The following ABR variants were observed in gnomAD, a reference collection of about 807,000 sequenced individuals.
ABR encodes ABR activator of RhoGEF and GTPase.
ABR carries 35 observed loss-of-function variants against 107.2 expected under a neutral mutation model. The ratio of observed to expected loss-of-function variants is 0.33; its 90% CI spans 0.25 to 0.43. The LOEUF (loss-of-function observed/expected upper bound fraction) is 0.43, where lower values mean the gene tolerates loss of function less well. Ranked by LOEUF, ABR falls within the 20% of genes least tolerant of loss-of-function variation. The pLI, the probability that ABR is intolerant of heterozygous loss-of-function variation, is 1.00. For missense variants in ABR, 815 were observed against 1,115.2 expected (o/e 0.73, Z 3.83); for synonymous variants, 498 against 462.0 (o/e 1.08, Z -1.00).
chr17:1,007,314 TAAG>T lies in ABR; in HGVS notation c.2343-5_2343-3del, dbSNP rs887050431. ...TTGATGGGCTCCTTCTCGGCAACCC[TAAG>T]AAGGAGAAGATGGGGAGGAAAGAAG... On this transcript the variant is annotated splice_region_variant and splice_polypyrimidine_tract_variant and intron_variant, in intron 21 of 22. Transcript: ENST00000302538. 14 of 1,613,836 alleles carry T rather than the reference TAAG, an allele frequency of 8.7e-6. No individual in the cohort carries two copies. The highest frequency in any genetic ancestry group is 4.0e-5 in the African/African-American group (3 of 74,922).
intron 12 of ABR, 39 bp from the exon 13 acceptor site, chr17:1,057,141 G>T (rs752827403): frequency 2.1e-5 from 29 of 1,401,148 alleles, no homozygotes; most frequent in Non-Finnish European, 2.6e-5. Flanking sequence ...CGTGGGCACT[G>T]GTCCACCAGG....
At chr17:1,123,885 A>G (rs1167078259) in intron 2 of ABR, among the ~76,000 whole-genome samples, 7 of 152,180 alleles carry the variant, frequency 4.6e-5, no homozygotes, top group African/African-American at 1.4e-4. Flanking sequence ...CTGCCCCCGC[A>G]GGTCCGAGAC....
At chr17:1,031,567 A>G in intron 16 of ABR, 2 of 173,036 alleles carry the variant, frequency 1.2e-5, no homozygotes, top group Non-Finnish European at 1.4e-5. Context: ...CCGAGCCCCC[A>G]CCCCCCGGAA....
At chr17:1,108,849 G>A in intron 2 of ABR, 1 of 1,437,762 alleles carries the variant, frequency 7.0e-7, no homozygotes, top group Non-Finnish European at 9.1e-7. Flanking sequence ...CGCGCGCTCT[G>A]CGCCCGCATC....
upstream of ABR, among the ~76,000 whole-genome samples, chr17:1,183,754 T>C (rs1244877302): frequency 6.6e-6 from 1 of 152,040 alleles, no homozygotes. Flanking sequence ...TATGTTCCCA[T>C]GCGGGGGCCA....
At chr17:1,045,037 C>T (rs1483065203) in intron 16 of ABR, among the ~76,000 whole-genome samples, 2 of 152,152 alleles carry the variant, frequency 1.3e-5, no homozygotes, top group Non-Finnish European at 2.9e-5. Flanking sequence ...AACAGAAAAA[C>T]AGACAAAACA....
chr17:1,161,700 G>A (rs1318368987), intron 1 of ABR, among the ~76,000 whole-genome samples: 6 of 152,036 alleles, frequency 3.9e-5, no homozygotes, highest in African/African-American at 4.8e-5. Flanking sequence ...GATTACAGGC[G>A]TGTACCACCA....
At chr17:1,228,879 T>C (rs1399141119) in exon 1 of ABR, 1 of 151,512 alleles carries the variant, frequency 6.6e-6, no homozygotes, top group Non-Finnish European at 1.5e-5. Context: ...CGAGTCCCGC[T>C]CGGGCACCCG....
intron 1 of ABR, among the ~76,000 whole-genome samples, chr17:1,152,547 C>T (rs980611820): frequency 6.5e-4 from 98 of 151,618 alleles, no homozygotes; most frequent in Middle Eastern, 3.4e-3. Flanking sequence ...GCCGAGATCG[C>T]GCCACTGCAC....
rs2036486566 is a variant in ABR at position 1,084,856 on chromosome 17, T to A, written c.532-1229A>T. ...GGAGTTTCGCTCTTGTTGCCCAGGC[T>A]GCAGTACAGTGGTGCGATCTCGGCT... On this transcript the variant is annotated intron_variant, in intron 4 of 22. Coordinates refer to ENST00000302538, the MANE Select transcript of ABR (RefSeq NM_021962.5). The surrounding 1 kb of genome is among the most constrained non-coding windows in gnomAD (Gnocchi z 4.2). 6.6e-6 allele frequency among the ~76,000 whole-genome samples: 1 copy of A among 152,208 alleles called. No homozygotes were observed. The highest frequency in any genetic ancestry group is 1.5e-5 in the Non-Finnish European group (1 of 68,044).
At position 1,221,886 on chromosome 17, in the gene ABR, T is replaced by G. The variant is rs150408138; in HGVS notation, c.838+6907A>C. On this transcript the variant is annotated intron_variant, in intron 1 of 22. Coordinates refer to the ABR transcript ENST00000574139. Reference sequence around the variant, plus strand: ...CTGAAGATGCAAAACACCTCTGGAGTAGGGACAGCGGTAAGTAAAAAAGGA... The same window carrying G: ...CTGAAGATGCAAAACACCTCTGGAGGAGGGACAGCGGTAAGTAAAAAAGGA... Among the ~76,000 whole-genome samples, 296 of 152,068 alleles carry G rather than the reference T, an allele frequency of 1.9e-3. 2 individuals are homozygous for G. The highest frequency in any genetic ancestry group is 6.7e-3 in the African/African-American group (278 of 41,450).
intron 20 of ABR, 189 bp from the exon 21 acceptor site, chr17:1,009,973 C>T: frequency 1.6e-6 from 1 of 606,912 alleles, no homozygotes; most frequent in Non-Finnish European, 2.9e-6. Flanking sequence ...GAGGCCCCAC[C>T]ACGACTGGTA....
chr17:1,219,924 G>T (rs1269735350), intron 1 of ABR, among the ~76,000 whole-genome samples: 1 of 151,894 alleles, frequency 6.6e-6, no homozygotes, highest in Middle Eastern at 3.4e-3. Context: ...TAAAGCACTT[G>T]ACCTAGTGCT....
chr17:1,067,072 C>T lies in ABR; in HGVS notation c.1182+5G>A, dbSNP rs761477912. On this transcript the variant is annotated splice_donor_5th_base_variant and intron_variant, in intron 10 of 22. Transcript: ENST00000302538. The stretch of plus-strand genomic sequence containing the variant: ...CCCCAGGCTCAGATACCAAGCTCTG[C>T]TCACCTCCTTCTGGATTTCACTCTT... 17 of 1,612,564 alleles carry T rather than the reference C, an allele frequency of 1.1e-5. No homozygotes were observed. The South Asian group carries it at 1.8e-4, about 17-fold the overall frequency.
At chr17:1,076,695 G>A (rs974691034) in intron 6 of ABR, among the ~76,000 whole-genome samples, 16 of 138,038 alleles carry the variant, frequency 1.2e-4, no homozygotes, top group Admixed American at 2.8e-4. Context: ...CTGGAAGGGC[G>A]GCCAGGAGGG....
chr17:1,137,719 G>A (rs539667838), intron 1 of ABR, among the ~76,000 whole-genome samples: 1 of 152,296 alleles, frequency 6.6e-6, no homozygotes, highest in Non-Finnish European at 1.5e-5. Flanking sequence ...AAAAAACGCA[G>A]CATCTTTGAA....
intron 1 of ABR, among the ~76,000 whole-genome samples, chr17:1,226,200 G>T (rs555320946): frequency 1.3e-5 from 2 of 152,304 alleles, no homozygotes; most frequent in South Asian, 4.1e-4. Context: ...AAGGACAAGG[G>T]TGGCCAAGGA....
chr17:1,102,525 A>G (rs939503484), intron 2 of ABR, among the ~76,000 whole-genome samples: 1 of 152,190 alleles, frequency 6.6e-6, no homozygotes, highest in Admixed American at 6.5e-5. Context: ...ATAAAATACA[A>G]TAACACTAAC....
upstream of ABR, among the ~76,000 whole-genome samples, chr17:1,184,138 C>T (rs1175661690): frequency 6.9e-6 from 1 of 144,102 alleles, no homozygotes; most frequent in Non-Finnish European, 1.5e-5. Context: ...GCCTGGGCAA[C>T]AGAGTGAGAC....
Sources: allele counts gnomAD v4.1 joint callset (sites outside exome capture counted in the v4.1 genomes callset), GRCh38; gene constraint gnomAD v4.1.1; non-coding constraint Gnocchi (gnomAD v3.1); transcripts MANE v1.5; gene names NCBI Gene and HGNC (gene_info 2026-07-23, HGNC 2026-07-21).